GSTA5: variants seen among roughly 807,000 people sequenced by gnomAD.
The protein encoded by GSTA5 is glutathione S-transferase alpha 5, also known as glutathione S-transferase A5.
A neutral mutation model predicts 21.8 loss-of-function variants in GSTA5; 25 were observed. That is an observed-to-expected ratio of 1.14 (90% CI 0.83 to 1.60). GSTA5 has a LOEUF of 1.60. Ranked by LOEUF, GSTA5 falls within the 40% of genes most tolerant of loss-of-function variation. The pLI is 0.00. For synonymous variants in GSTA5, 102 were observed against 89.5 expected (o/e 1.14, Z -0.78); for missense variants, 330 against 259.2 (o/e 1.27, Z -1.88).
At chr6:52,834,198 G>A (rs772868736) in exon 4 of GSTA5, 2 of 1,614,100 alleles carry the variant, frequency 1.2e-6, no homozygotes, top group East Asian at 2.2e-5. Flanking sequence ...AGGCAGTCTT[G>A]GCATCTCTTT....
upstream of GSTA5, among the ~76,000 whole-genome samples, chr6:52,843,984 C>G (rs1445373526): frequency 6.6e-6 from 1 of 151,492 alleles, no homozygotes; most frequent in African/African-American, 2.4e-5. Context: ...GAGCTTTGTT[C>G]AGTCAACACA....
At chr6:52,840,659 T>C (rs1561927868) in intron 1 of GSTA5, 68 bp downstream of exon 1, 1 of 1,374,748 alleles carries the variant, frequency 7.3e-7, no homozygotes, top group African/African-American at 1.4e-5. Flanking sequence ...ATTGCATAGT[T>C]TCTGTGGGAA....
chr6:52,832,551 T>A (rs1764231709), intron 5 of GSTA5, among the ~76,000 whole-genome samples: 1 of 152,072 alleles, frequency 6.6e-6, no homozygotes, highest in African/African-American at 2.4e-5. Flanking sequence ...ATAAAGGACA[T>A]CACAGAGAAC....
intron 1 of GSTA5, 120 bp from the exon 2 acceptor site, chr6:52,837,729 T>G: frequency 1.4e-6 from 1 of 721,160 alleles, no homozygotes; most frequent in Non-Finnish European, 2.3e-6. Context: ...TTTCGCAGGA[T>G]ATACAGAGGG....
At chr6:52,837,802 C>T (rs1254283719) in intron 1 of GSTA5, among the ~76,000 whole-genome samples, 193 bp from the exon 2 acceptor site, 1 of 152,182 alleles carries the variant, frequency 6.6e-6, no homozygotes, top group Non-Finnish European at 1.5e-5. Flanking sequence ...TGGGTCACAG[C>T]ACATAGCTGC....
chr6:52,831,812 T>G, exon 6 of GSTA5: 1 of 1,611,788 alleles, frequency 6.2e-7, no homozygotes, highest in African/African-American at 1.3e-5. Flanking sequence ...TGTAGAATAT[T>G]GGTCTGGCAT....
intron 4 of GSTA5, 122 bp from the exon 5 acceptor site, chr6:52,833,112 A>T: frequency 9.2e-7 from 1 of 1,092,306 alleles, no homozygotes; most frequent in Middle Eastern, 2.1e-4. Context: ...TGGGTGCAGA[A>T]ATCCCAAGCT....
At chr6:52,840,845 T>A, upstream of GSTA5, 1 of 1,479,506 alleles carries the variant, frequency 6.8e-7, no homozygotes, top group Non-Finnish European at 9.3e-7. Flanking sequence ...TCTCTAAGCC[T>A]GAATGAATGA....
At chr6:52,832,462 C>T (rs1420535237) in intron 5 of GSTA5, among the ~76,000 whole-genome samples, 4 of 152,008 alleles carry the variant, frequency 2.6e-5, no homozygotes, top group African/African-American at 9.7e-5. Context: ...ACAAAAGGAG[C>T]CAGAGCCCAG....
Position 52,833,034 on chromosome 6 carries a change from G to A in GSTA5, c.415-44C>T, listed in dbSNP as rs748400589. 3 of 1,611,470 alleles carry A rather than the reference G, an allele frequency of 1.9e-6. No individual in the cohort carries two copies. The South Asian group carries it at 3.3e-5, about 18-fold the overall frequency. ...CAGATCAGGAACACATGCACACCCA[G>A]GCTGGGACCCCTGCTTCTTTCAGAG... On this transcript the variant is annotated intron_variant, in intron 4 of 5. Transcript: ENST00000370989.
At chr6:52,837,227 C>A (rs1318706549) in intron 2 of GSTA5, among the ~76,000 whole-genome samples, 1 of 152,180 alleles carries the variant, frequency 6.6e-6, no homozygotes, top group Non-Finnish European at 1.5e-5. Context: ...CATGTTCTTG[C>A]GTGTGCTTGG....
exon 3 of GSTA5, chr6:52,836,245 T>G: frequency 1.2e-6 from 2 of 1,613,386 alleles, no homozygotes; most frequent in East Asian, 4.5e-5. Context: ...CAGGGCTCTC[T>G]CCTTCATGTC....
intron 3 of GSTA5, among the ~76,000 whole-genome samples, chr6:52,835,790 G>A (rs1290971244): frequency 1.3e-5 from 2 of 152,124 alleles, no homozygotes; most frequent in African/African-American, 2.4e-5. Flanking sequence ...GGTAATTTAG[G>A]TTCCTGGTCA....
At chr6:52,843,347 A>T (rs36175277), upstream of GSTA5, among the ~76,000 whole-genome samples, 7,531 of 152,254 alleles carry the variant, frequency 0.049, 263 homozygotes, top group South Asian at 0.13. Context: ...ACAATGGTTG[A>T]ACTAATTTAC....
At chr6:52,835,473 A>G (rs756022424) in intron 3 of GSTA5, among the ~76,000 whole-genome samples, 12 of 151,966 alleles carry the variant, frequency 7.9e-5, no homozygotes, top group Non-Finnish European at 1.3e-4. Context: ...TGTTATTTGC[A>G]TTGTTCATTT....
At chr6:52,834,631 T>G (rs1174563614) in intron 3 of GSTA5, among the ~76,000 whole-genome samples, 1 of 152,150 alleles carries the variant, frequency 6.6e-6, no homozygotes, top group Non-Finnish European at 1.5e-5. Context: ...TGCCAGGATT[T>G]ATCATCTCAA....
chr6:52,839,259 G>A (rs1045623867), intron 1 of GSTA5, among the ~76,000 whole-genome samples: 1 of 152,152 alleles, frequency 6.6e-6, no homozygotes, highest in African/African-American at 2.4e-5. Flanking sequence ...AGTCAGCCCT[G>A]CCCCCGCCTT....
chr6:52,842,789 A>C (rs1488769695), upstream of GSTA5, among the ~76,000 whole-genome samples: 1 of 152,224 alleles, frequency 6.6e-6, no homozygotes, highest in East Asian at 1.9e-4. Context: ...TCTGGGGTAC[A>C]TGTGCAAAAC....
rs755953862 is a variant in GSTA5 at position 52,840,715 on chromosome 6, C to T, written c.87+12G>A. The T allele has an allele frequency of 6.2e-7, 1 of 1,612,428 alleles. No individual in the cohort carries two copies. Among genetic ancestry groups the T allele is most frequent in the Non-Finnish European group, 8.5e-7 (1 of 1,178,612 alleles). On this transcript the variant is annotated intron_variant, in intron 1 of 5. Coordinates refer to ENST00000370989, the Ensembl canonical transcript of GSTA5. ...TTAAATCCAACTTAAGATGACCTTA[C>T]TCAGAACCTACCTCTACTCCAGCTG...
Sources: gnomAD v4.1 joint callset for allele counts (sites outside exome capture counted in the v4.1 genomes callset) on GRCh38, gnomAD v4.1.1 for gene constraint, MANE v1.5 for transcripts, NCBI Gene and HGNC (gene_info 2026-07-23, HGNC 2026-07-21) for gene names.